The following PBX1 variants were observed in gnomAD, a reference collection of about 807,000 sequenced individuals.
PBX1 encodes pre-B-cell leukemia transcription factor 1.
Under a neutral mutation model 53.4 loss-of-function variants are expected in PBX1, and 6 were observed. The observed-to-expected ratio is 0.11, with a 90% CI of 0.06 to 0.22. PBX1 has a LOEUF of 0.22. Among genes scored for constraint, PBX1 ranks in the 10% least tolerant of loss-of-function variants. The probability of loss-of-function intolerance (pLI) is 1.00; values close to 1 mark genes in which losing one functional copy is unlikely to be tolerated. For synonymous variants in PBX1, 204 were observed against 212.3 expected (o/e 0.96, Z 0.34); for missense variants, 251 against 551.4 (o/e 0.46, Z 5.46).
intron 8 of PBX1, among the ~76,000 whole-genome samples, chr1:164,832,460 A>C (rs575596394): frequency 6.6e-6 from 1 of 152,320 alleles, no homozygotes; most frequent in East Asian, 1.9e-4. Context: ...CCCAGTGATC[A>C]TACATGAGAG....
At chr1:164,746,707 C>T (rs574221040) in intron 2 of PBX1, among the ~76,000 whole-genome samples, 3 of 152,256 alleles carry the variant, frequency 2.0e-5, no homozygotes, top group East Asian at 3.9e-4. Context: ...CACGCCTGGC[C>T]CTTTCCTAAA....
chr1:164,830,477 C>G (rs935472812), intron 8 of PBX1, among the ~76,000 whole-genome samples: 12 of 152,036 alleles, frequency 7.9e-5, no homozygotes, highest in African/African-American at 2.9e-4. Flanking sequence ...AAGAAGTGAA[C>G]TCTGGTTATC....
chr1:164,816,096 C>T (rs1268080031), intron 6 of PBX1: 1 of 152,104 alleles, frequency 6.6e-6, no homozygotes, highest in Non-Finnish European at 1.5e-5. Flanking sequence ...TATCTCATGT[C>T]TTTCTTAGTA....
intron 6 of PBX1, chr1:164,813,021 C>A (rs944920313): frequency 1.3e-5 from 2 of 152,118 alleles, no homozygotes; most frequent in African/African-American, 4.8e-5. Flanking sequence ...ATGATTCTAA[C>A]TTAAAAGGTT....
intron 2 of PBX1, among the ~76,000 whole-genome samples, chr1:164,709,432 A>G (rs1393462743): frequency 6.6e-6 from 1 of 152,232 alleles, no homozygotes; most frequent in Admixed American, 6.5e-5. Flanking sequence ...AAAACACTTT[A>G]AGTTGAATAA....
At chr1:164,575,563 T>C (rs1158806555) in intron 2 of PBX1, among the ~76,000 whole-genome samples, 2 of 152,184 alleles carry the variant, frequency 1.3e-5, no homozygotes, top group African/African-American at 4.8e-5. Context: ...ATCCTCCTTA[T>C]AATTACCATT....
At chr1:164,764,342 G>A (rs1666952363) in intron 2 of PBX1, among the ~76,000 whole-genome samples, 1 of 152,170 alleles carries the variant, frequency 6.6e-6, no homozygotes, top group African/African-American at 2.4e-5. Flanking sequence ...ACGACAGGAA[G>A]GATTTTGTGT....
intron 2 of PBX1, chr1:164,703,349 C>G (rs917728974): frequency 6.6e-6 from 1 of 152,154 alleles, no homozygotes; most frequent in Non-Finnish European, 1.5e-5. Context: ...GTGCCTTTTT[C>G]TTGTTATTCT....
chr1:164,793,879 T>TA (rs1182917467), intron 3 of PBX1, among the ~76,000 whole-genome samples: 4 of 140,270 alleles, frequency 2.9e-5, no homozygotes, highest in Admixed American at 2.8e-4. Context: ...TTTCTTTTTT[T>TA]TTTTTTTTTT....
intron 2 of PBX1, among the ~76,000 whole-genome samples, chr1:164,596,917 A>C (rs2101788225): frequency 6.6e-6 from 1 of 151,652 alleles, no homozygotes; most frequent in African/African-American, 2.4e-5. Flanking sequence ...AGGGTCAGAG[A>C]AATTTAGTTC....
chr1:164,657,727 C>CGAAAA (rs1660246027), intron 2 of PBX1, among the ~76,000 whole-genome samples: 1 of 152,152 alleles, frequency 6.6e-6, no homozygotes, highest in African/African-American at 2.4e-5. Flanking sequence ...CCCCACTTTT[C>CGAAAA]CTTTGATAGG....
At chr1:164,807,772 C>A (rs1375863378) in intron 5 of PBX1, 95 bp downstream of exon 5, 2 of 1,371,698 alleles carry the variant, frequency 1.5e-6, no homozygotes, top group Admixed American at 2.1e-5. Flanking sequence ...GACATTCATG[C>A]CTTGCAAGTT....
At chr1:164,867,007 A>G (rs1276648390) in intron 2 of PBX1, among the ~76,000 whole-genome samples, 2 of 152,156 alleles carry the variant, frequency 1.3e-5, no homozygotes, top group African/African-American at 4.8e-5. Context: ...CTCTATAGAG[A>G]CTGGATTAAA....
At chr1:164,805,659 C>T (rs775468733) in intron 4 of PBX1, among the ~76,000 whole-genome samples, 7 of 152,158 alleles carry the variant, frequency 4.6e-5, no homozygotes, top group African/African-American at 1.7e-4. Flanking sequence ...AGTCTTTAGG[C>T]GAAGAAGAAA....
At chr1:164,600,246 C>CTTTTTTTT (rs71097539) in intron 2 of PBX1, among the ~76,000 whole-genome samples, 5 of 121,812 alleles carry the variant, frequency 4.1e-5, no homozygotes, top group Non-Finnish European at 3.3e-5. Context: ...TATGCTGCTG[C>CTTTTTTTT]TTTTTTTTTT....
intron 1 of PBX1, chr1:164,560,291 T>G (rs1302470710): frequency 1.2e-5 from 5 of 400,282 alleles, no homozygotes; most frequent in African/African-American, 2.1e-5. Flanking sequence ...CACACAGGCA[T>G]GCCGAAAATA....
In PBX1 at chr1:164,583,326, G is replaced by A. The variant is rs74117943; in HGVS notation, c.265+20015G>A. 3.3e-3 allele frequency among the ~76,000 whole-genome samples: 498 copies of A among 152,102 alleles called. 6 individuals carry two copies. The highest frequency in any genetic ancestry group is 0.012 in the African/African-American group (489 of 41,520). ...AATAGGGCATGTGAGAGTTTTCTGA[G>A]AGGAGAGAGGCTATTGTCTTGTAGA... is the stretch of plus-strand genomic sequence containing the variant. On this transcript the variant is annotated intron_variant, in intron 2 of 8. Coordinates refer to ENST00000420696, the MANE Select transcript of PBX1 (RefSeq NM_002585.4).
At chr1:164,772,557 T>C (rs576162907) in intron 2 of PBX1, among the ~76,000 whole-genome samples, 3 of 152,316 alleles carry the variant, frequency 2.0e-5, no homozygotes, top group African/African-American at 4.8e-5. Flanking sequence ...GGATCACATA[T>C]CAATTTGGAA....
chr1:164,880,898 CT>C (rs1672629890), intron 2 of PBX1, among the ~76,000 whole-genome samples: 1 of 152,226 alleles, frequency 6.6e-6, no homozygotes, highest in Non-Finnish European at 1.5e-5. Context: ...AAAAAAGCCA[CT>C]CATTCCAGCA....
Sources: gnomAD v4.1 joint callset for allele counts (sites outside exome capture counted in the v4.1 genomes callset) on GRCh38, gnomAD v4.1.1 for gene constraint, MANE v1.5 for transcripts, NCBI Gene and HGNC (gene_info 2026-07-23, HGNC 2026-07-21) for gene names.